Variants in HMCN1 observed in about 807,000 individuals in gnomAD.
The protein encoded by HMCN1 is hemicentin-1.
In HMCN1, 321 loss-of-function variants were observed where a neutral mutation model predicts 625.9. The ratio of observed to expected loss-of-function variants is 0.51; its 90% CI spans 0.47 to 0.56. The LOEUF is 0.56. Among genes scored for constraint, HMCN1 ranks in the 20% least tolerant of loss-of-function variants. The pLI is 0.00. For missense variants in HMCN1, 6,588 were observed against 6,887.3 expected (o/e 0.96, Z 1.54); for synonymous variants, 2,425 against 2,417.6 (o/e 1.00, Z -0.09).
At chr1:185,970,539 G>A (rs1264036482) in intron 15 of HMCN1, 46 bp downstream of exon 15, 1 of 1,506,588 alleles carries the variant, frequency 6.6e-7, no homozygotes, top group South Asian at 1.1e-5. Flanking sequence ...AAATTGATAT[G>A]TTATTTTTCA....
chr1:185,871,024 G>C (rs976351771), intron 4 of HMCN1, among the ~76,000 whole-genome samples: 1 of 152,082 alleles, frequency 6.6e-6, no homozygotes, highest in Non-Finnish European at 1.5e-5. Flanking sequence ...GAGGTCAAGA[G>C]ATCGAGACCA....
intron 36 of HMCN1, 91 bp downstream of exon 36, chr1:186,023,244 G>A (rs1056537726): frequency 4.4e-5 from 47 of 1,059,582 alleles, no homozygotes; most frequent in Non-Finnish European, 6.3e-5. Flanking sequence ...CAGTATAAAA[G>A]AAACAGGTGT....
intron 11 of HMCN1, among the ~76,000 whole-genome samples, chr1:185,941,545 A>G (rs1324848771): frequency 6.6e-6 from 1 of 152,226 alleles, no homozygotes; most frequent in African/African-American, 2.4e-5. Context: ...AATGAGGTCT[A>G]TGAAAAGGAA....
intron 2 of HMCN1, among the ~76,000 whole-genome samples, chr1:185,847,156 T>G (rs1196456059): frequency 2.0e-5 from 3 of 152,040 alleles, no homozygotes; most frequent in Non-Finnish European, 2.9e-5. Context: ...ATTTGAACAC[T>G]GCTTTTTCTC....
intron 11 of HMCN1, 117 bp from the exon 12 acceptor site, chr1:185,962,401 C>A: frequency 1.2e-6 from 1 of 812,876 alleles, no homozygotes; most frequent in Non-Finnish European, 2.2e-6. Flanking sequence ...GGGGTTCATC[C>A]ATAGAGGAAG....
At chr1:186,101,706 A>G (rs1416105302) in intron 68 of HMCN1, among the ~76,000 whole-genome samples, 1 of 152,100 alleles carries the variant, frequency 6.6e-6, no homozygotes, top group Non-Finnish European at 1.5e-5. Flanking sequence ...ACTATTTTAA[A>G]TCCAGTGATT....
At chr1:185,912,138 G>A (rs1335918148) in intron 6 of HMCN1, among the ~76,000 whole-genome samples, 1 of 152,178 alleles carries the variant, frequency 6.6e-6, no homozygotes, top group Admixed American at 6.5e-5. Flanking sequence ...AACTGCCTGG[G>A]TTTGAATCTT....
chr1:185,798,298 T>C (rs1292035030), intron 1 of HMCN1, among the ~76,000 whole-genome samples: 3 of 152,228 alleles, frequency 2.0e-5, no homozygotes, highest in African/African-American at 7.2e-5. Flanking sequence ...GTTTCCTTTA[T>C]AGGCAATTAG....
At chr1:185,945,898 G>C (rs553977332) in intron 11 of HMCN1, among the ~76,000 whole-genome samples, 1 of 152,296 alleles carries the variant, frequency 6.6e-6, no homozygotes, top group South Asian at 2.1e-4. Context: ...ATTTGGTTTT[G>C]TGGTTTTGTG....
intron 74 of HMCN1, 56 bp downstream of exon 74, chr1:186,115,002 C>T (rs1272720512): frequency 3.7e-6 from 6 of 1,608,878 alleles, no homozygotes; most frequent in South Asian, 1.1e-5. Flanking sequence ...TCTTTGATTG[C>T]CTAAACTAGT....
At chr1:186,095,667 C>G in intron 68 of HMCN1, 146 bp downstream of exon 68, 1 of 767,900 alleles carries the variant, frequency 1.3e-6, no homozygotes, top group South Asian at 2.0e-5. Flanking sequence ...TTATAATTCA[C>G]CTTGGCTTAC....
At chr1:185,906,117 C>T (rs1666083563) in intron 4 of HMCN1, among the ~76,000 whole-genome samples, 1 of 151,626 alleles carries the variant, frequency 6.6e-6, no homozygotes, top group Admixed American at 6.6e-5. Flanking sequence ...TATAGTTAGA[C>T]AATTACAGAT....
chr1:185,765,429 T>G (rs1052645402), intron 1 of HMCN1, among the ~76,000 whole-genome samples: 1 of 152,006 alleles, frequency 6.6e-6, no homozygotes. Flanking sequence ...GATGGGTGAG[T>G]GGTAGTAATA....
chr1:186,088,089 G>A, intron 61 of HMCN1, 56 bp from the exon 62 acceptor site: 1 of 1,607,666 alleles, frequency 6.2e-7, no homozygotes, highest in Non-Finnish European at 8.5e-7. Flanking sequence ...TTAGCTTAAT[G>A]AGGACAAATG....
At chr1:185,742,594 A>G (rs774314488) in intron 1 of HMCN1, among the ~76,000 whole-genome samples, 11 of 152,182 alleles carry the variant, frequency 7.2e-5, no homozygotes, top group Non-Finnish European at 1.2e-4. Context: ...TTCAGTTTCA[A>G]TATGTATAGG....
chr1:185,849,541 A>T (rs1662035078), intron 2 of HMCN1, among the ~76,000 whole-genome samples: 1 of 152,220 alleles, frequency 6.6e-6, no homozygotes, highest in Non-Finnish European at 1.5e-5. Flanking sequence ...GAATATGCAG[A>T]TTAACAGAGT....
chr1:185,963,037 C>G (rs559851389), intron 12 of HMCN1, among the ~76,000 whole-genome samples: 1 of 152,130 alleles, frequency 6.6e-6, no homozygotes, highest in Non-Finnish European at 1.5e-5. Flanking sequence ...AGAGAGAGGT[C>G]AAGAACAGAC....
rs1001137332 is a variant in HMCN1 at position 185,993,481 on chromosome 1, CTGCTATT to C, written c.3505+174_3505+180del. 222 of 647,032 alleles carry C rather than the reference CTGCTATT, an allele frequency of 3.4e-4. 1 individual carries two copies. In the African/African-American group the frequency reaches 3.8e-3, roughly 11 times the overall value. The allele number at this position is 647,032 out of a possible 1,614,324, so 40.1% of individuals were successfully genotyped here. ...CTTTTGTTTACTCTGAAAAGTCTTC[CTGCTATT>C]TATAAACAATCTTCTGTTTCTTCCT... On this transcript the variant is annotated intron_variant, in intron 23 of 106. Coordinates refer to ENST00000271588, the MANE Select transcript of HMCN1 (RefSeq NM_031935.3).
intron 54 of HMCN1, among the ~76,000 whole-genome samples, chr1:186,076,934 A>G (rs568659389): frequency 1.1e-4 from 17 of 152,184 alleles, no homozygotes; most frequent in Non-Finnish European, 2.4e-4. Context: ...GTTTATATAT[A>G]TTATTAACAT....
Sources: gnomAD v4.1 joint callset for allele counts (sites outside exome capture counted in the v4.1 genomes callset) on GRCh38, gnomAD v4.1.1 for gene constraint, MANE v1.5 for transcripts, NCBI Gene and HGNC (gene_info 2026-07-23, HGNC 2026-07-21) for gene names.